Variants in PDE4B observed in about 807,000 individuals in gnomAD.
PDE4B encodes 3',5'-cyclic-AMP phosphodiesterase 4B.
PDE4B carries 20 observed loss-of-function variants against 82.2 expected under a neutral mutation model. The observed-to-expected ratio is 0.24, with a 90% CI of 0.17 to 0.35. The LOEUF is 0.35. Ranked by LOEUF, PDE4B falls within the 10% of genes least tolerant of loss-of-function variation. PDE4B has a pLI of 1.00. For missense variants in PDE4B, 655 were observed against 907.2 expected, an observed-to-expected ratio of 0.72 and a Z score of 3.57; for synonymous variants, 320 against 318.9, an observed-to-expected ratio of 1.00 and a Z score of -0.04.
At chr1:65,901,014 G>A (rs1488883196) in intron 1 of PDE4B, among the ~76,000 whole-genome samples, 6 of 152,012 alleles carry the variant, frequency 3.9e-5, no homozygotes, top group Admixed American at 3.9e-4. Flanking sequence ...GTGAGAGTGG[G>A]AATCCTTGTC....
chr1:66,072,581 A>G (rs1257074047), intron 3 of PDE4B, among the ~76,000 whole-genome samples: 21 of 152,132 alleles, frequency 1.4e-4, no homozygotes, highest in African/African-American at 4.8e-5. Flanking sequence ...AAGAGTGACT[A>G]TGGCTGTTTT....
At chr1:66,163,987 C>CTTTAT (rs1646669391) in intron 3 of PDE4B, among the ~76,000 whole-genome samples, 1 of 152,132 alleles carries the variant, frequency 6.6e-6, no homozygotes, top group Admixed American at 6.6e-5. Context: ...CTCTAGTGAG[C>CTTTAT]TTTAAAAACA....
At chr1:66,209,603 A>G (rs1258120909) in intron 3 of PDE4B, among the ~76,000 whole-genome samples, 2 of 152,186 alleles carry the variant, frequency 1.3e-5, no homozygotes, top group African/African-American at 2.4e-5. Flanking sequence ...GATTATGTAT[A>G]TACCCTTGTA....
intron 3 of PDE4B, among the ~76,000 whole-genome samples, chr1:66,207,722 T>G (rs1284838402): frequency 1.3e-5 from 2 of 152,208 alleles, no homozygotes; most frequent in African/African-American, 4.8e-5. Flanking sequence ...GCAGTCATAA[T>G]GATAGAGGAT....
At chr1:66,068,474 A>C (rs1202027827) in intron 3 of PDE4B, among the ~76,000 whole-genome samples, 1 of 151,944 alleles carries the variant, frequency 6.6e-6, no homozygotes, top group Middle Eastern at 3.2e-3. Flanking sequence ...TACCCATTTA[A>C]AAATTTATAT....
chr1:65,802,049 G>C (rs868313543), intron 1 of PDE4B, among the ~76,000 whole-genome samples: 1 of 152,148 alleles, frequency 6.6e-6, no homozygotes, highest in Admixed American at 6.5e-5. Context: ...GCTTTAAGCC[G>C]TGTGATAAGA....
At chr1:65,849,324 G>A (rs992242559) in intron 1 of PDE4B, among the ~76,000 whole-genome samples, 41 of 152,146 alleles carry the variant, frequency 2.7e-4, no homozygotes, top group African/African-American at 9.9e-4. Flanking sequence ...GGAGGTGATT[G>A]TCTGGGTTAC....
At chr1:65,998,391 TTGG>T (rs1463039063) in intron 3 of PDE4B, among the ~76,000 whole-genome samples, 1 of 150,818 alleles carries the variant, frequency 6.6e-6, no homozygotes, top group Non-Finnish European at 1.5e-5. Flanking sequence ...TGAACAAGAG[TTGG>T]AGTTTTAGCC....
chr1:65,864,179 G>A (rs988478381), intron 1 of PDE4B, among the ~76,000 whole-genome samples: 1 of 151,366 alleles, frequency 6.6e-6, no homozygotes, highest in African/African-American at 2.4e-5. Context: ...TATGCTTCAC[G>A]AAGTTCTTGT....
chr1:66,293,621 C>T (rs1440937753), intron 7 of PDE4B, among the ~76,000 whole-genome samples: 1 of 152,162 alleles, frequency 6.6e-6, no homozygotes. Context: ...AAACCATATT[C>T]AGCAAGTGAT....
chr1:66,315,200 T>C (rs1320164727), intron 7 of PDE4B, among the ~76,000 whole-genome samples: 1 of 152,268 alleles, frequency 6.6e-6, no homozygotes, highest in Admixed American at 6.5e-5. Flanking sequence ...CAGTTGATGG[T>C]TGCAATGATT....
At chr1:66,138,461 G>A (rs1247561305) in intron 3 of PDE4B, among the ~76,000 whole-genome samples, 1 of 152,214 alleles carries the variant, frequency 6.6e-6, no homozygotes, top group African/African-American at 2.4e-5. Flanking sequence ...GGAGGTTGCA[G>A]TGAGCCGAGA....
chr1:66,130,106 A>G (rs987364487), intron 3 of PDE4B, among the ~76,000 whole-genome samples: 1 of 152,228 alleles, frequency 6.6e-6, no homozygotes, highest in African/African-American at 2.4e-5. Flanking sequence ...CATGGCTCAA[A>G]TCTTTACATG....
chr1:66,128,590 A>AC (rs1414439387), intron 3 of PDE4B, among the ~76,000 whole-genome samples: 1 of 152,072 alleles, frequency 6.6e-6, no homozygotes, highest in South Asian at 2.1e-4. Context: ...TTGATGTTGG[A>AC]CATAACTTCT....
chr1:66,343,071 C>CA (rs138734413), intron 8 of PDE4B, among the ~76,000 whole-genome samples: 5,122 of 147,470 alleles, frequency 0.035, 156 homozygotes, highest in East Asian at 0.16. Context: ...AAAACAACAA[C>CA]AAAAAAAAAC....
intron 1 of PDE4B, among the ~76,000 whole-genome samples, chr1:65,818,691 T>C (rs1458913948): frequency 6.7e-6 from 1 of 148,156 alleles, no homozygotes; most frequent in African/African-American, 2.5e-5. Flanking sequence ...CACACATATA[T>C]ATATATATAT....
At chr1:65,854,292 T>G (rs7518112) in intron 1 of PDE4B, among the ~76,000 whole-genome samples, 103,561 of 151,340 alleles carry the variant, frequency 0.68, 35,669 homozygotes, top group Non-Finnish European at 0.71. Context: ...AATTAAAAAT[T>G]AGAAGCAATT....
At chr1:66,256,117 G>A (rs750573402) in intron 4 of PDE4B, among the ~76,000 whole-genome samples, 42 of 152,134 alleles carry the variant, frequency 2.8e-4, no homozygotes, top group Non-Finnish European at 7.4e-5. Context: ...CAGAAGTTGC[G>A]GTGAGCTGAG....
At chr1:65,913,466 G>A (rs1010383657) in intron 2 of PDE4B, 110 bp downstream of exon 2, 39 of 1,006,972 alleles carry the variant, frequency 3.9e-5, no homozygotes, top group Non-Finnish European at 3.7e-5. Flanking sequence ...CTGTGACTAG[G>A]TGTTTCTATG....
Sources: gnomAD v4.1 joint callset for allele counts (sites outside exome capture counted in the v4.1 genomes callset) on GRCh38, gnomAD v4.1.1 for gene constraint, MANE v1.5 for transcripts, NCBI Gene and HGNC (gene_info 2026-07-23, HGNC 2026-07-21) for gene names.